Variants in KLHL22 observed in about 807,000 individuals in gnomAD.
KLHL22 encodes kelch like family member 22.
A neutral mutation model predicts 60.7 loss-of-function variants in KLHL22; 18 were observed. The ratio of observed to expected loss-of-function variants is 0.30; its 90% confidence interval spans 0.20 to 0.44. KLHL22 has a LOEUF of 0.44. Ranked by LOEUF, KLHL22 falls within the 20% of genes least tolerant of loss-of-function variation. The probability of loss-of-function intolerance (pLI) is 1.00; values close to 1 mark genes in which losing one functional copy is unlikely to be tolerated. For missense variants in KLHL22, 596 were observed against 852.3 expected (o/e 0.70, Z 3.74); for synonymous variants, 355 against 354.5 (o/e 1.00, Z -0.01).
intron 4 of KLHL22, among the ~76,000 whole-genome samples, chr22:20,461,634 T>C (rs1249597287): frequency 6.6e-6 from 1 of 151,772 alleles, no homozygotes; most frequent in Non-Finnish European, 1.5e-5. Context: ...TGACTATTAA[T>C]GTTTTAATGT....
At chr22:20,478,148 T>C (rs1256432459) in intron 2 of KLHL22, among the ~76,000 whole-genome samples, 1 of 151,972 alleles carries the variant, frequency 6.6e-6, no homozygotes, top group Non-Finnish European at 1.5e-5. Context: ...AAAAATAAAA[T>C]ATATAGTCAC....
chr22:20,465,445 G>A lies in KLHL22; in HGVS notation c.525C>T (p.Ile175=), dbSNP rs970091239. ...GAGAGAAGGCCACAAAGTTTTTGAG[G>A]ATATAGGTGTCCAGTTGCTCAGTCA... ...SRLTEQLDTY[I]LKNFVAFSRT... Residue 175 remains isoleucine, a synonymous_variant, in exon 4 of 7, where the codon ATC becomes ATT. Coordinates refer to ENST00000328879, the MANE Select transcript of KLHL22 (RefSeq NM_032775.4). The surrounding 1 kb of genome is among the most constrained non-coding windows in gnomAD (Gnocchi z 4.9). 1.2e-6 allele frequency: 2 copies of A among 1,613,908 alleles called. No individual in the cohort carries two copies. Among genetic ancestry groups the A allele is most frequent in the African/African-American group, 2.7e-5 (2 of 74,916 alleles).
chr22:20,484,002 A>G (rs2053547307), intron 2 of KLHL22: 1 of 716,706 alleles, frequency 1.4e-6, no homozygotes, highest in Non-Finnish European at 2.6e-6. Context: ...GCCTGCATAG[A>G]CGCTGGCCAC....
chr22:20,479,897 C>T (rs1026246450), intron 2 of KLHL22, among the ~76,000 whole-genome samples: 2 of 152,140 alleles, frequency 1.3e-5, no homozygotes, highest in African/African-American at 4.8e-5. Flanking sequence ...GACATTTGCA[C>T]ACCCATGTTC....
At position 20,450,371 on chromosome 22, in the gene KLHL22, G is replaced by C; in HGVS notation, c.1306-3695C>G. The C allele has an allele frequency of 2.1e-6, 3 of 1,427,196 alleles. No individual in the cohort carries two copies. In the South Asian group the frequency reaches 3.4e-5, roughly 16 times the overall value. The allele number at this position is 1,427,196 out of a possible 1,614,324, so 88.4% of individuals were successfully genotyped here. On this transcript the variant is annotated intron_variant, in intron 5 of 6. Transcript: ENST00000328879. ...CCAAGGTTTGACTGCCTCTACCATG[G>C]AAATTTTATTGGACTTTGTGTACAC...
intron 5 of KLHL22, chr22:20,451,576 C>T: frequency 1.3e-6 from 2 of 1,596,434 alleles, no homozygotes; most frequent in Non-Finnish European, 1.7e-6. Flanking sequence ...TACAGCCCAC[C>T]TTTCTTCCGT....
Position 20,471,428 on chromosome 22 carries a change from T to C in KLHL22, c.315A>G (p.Leu105=), listed in dbSNP as rs375641874. Residue 105 remains leucine (L), a synonymous_variant, in exon 3 of 7, where the codon CTA becomes CTG. Transcript: ENST00000328879. ...GVSYNAMCQI[L]HFIYTSELEL... The stretch of plus-strand genomic sequence containing the variant: ...CCAGCTCGGAGGTGTATATGAAATG[T>C]AGGATTTGGCACATAGCATTGTAGG... 1.1e-5 allele frequency: 18 copies of C among 1,614,066 alleles called. No individual in the cohort carries two copies. Among genetic ancestry groups the C allele is most frequent in the Non-Finnish European group, 1.5e-5 (18 of 1,180,030 alleles).
intron 5 of KLHL22, chr22:20,450,196 C>T (rs776501304): frequency 2.1e-5 from 17 of 806,020 alleles, no homozygotes; most frequent in East Asian, 1.7e-4. Flanking sequence ...CAATGAACTC[C>T]GTTGGGAAGA....
intron 5 of KLHL22, among the ~76,000 whole-genome samples, chr22:20,452,671 A>G (rs62219036): frequency 0.2 from 29,995 of 152,152 alleles, 3,847 homozygotes; most frequent in Non-Finnish European, 0.29. Flanking sequence ...CTGTGATTTT[A>G]CAGTCATCTT....
intron 1 of KLHL22, 49 bp from the exon 2 acceptor site, chr22:20,489,293 C>T (rs1285678744): frequency 2.2e-6 from 3 of 1,383,806 alleles, no homozygotes; most frequent in Admixed American, 3.7e-5. Context: ...AGGCATCAGC[C>T]CCACCACACA....
chr22:20,491,856 CCT>C (rs1008248058), intron 1 of KLHL22: 47 of 152,392 alleles, frequency 3.1e-4, no homozygotes, highest in African/African-American at 9.9e-4. Context: ...TGTGCCTGCC[CCT>C]GAGTCTGCCT....
At chr22:20,460,231 A>G (rs899363556) in intron 4 of KLHL22, among the ~76,000 whole-genome samples, 3 of 152,158 alleles carry the variant, frequency 2.0e-5, no homozygotes. Flanking sequence ...AGGACCCTCC[A>G]TGTGCTCCTG....
intron 3 of KLHL22, 86 bp downstream of exon 3, chr22:20,471,264 A>C (rs983069856): frequency 1.6e-5 from 21 of 1,323,156 alleles, no homozygotes; most frequent in African/African-American, 1.3e-4. Context: ...TCTTCAAGCC[A>C]ATGCTAGTGC....
chr22:20,443,271 G>A (rs758290482), intron 6 of KLHL22, among the ~76,000 whole-genome samples: 1 of 152,044 alleles, frequency 6.6e-6, no homozygotes, highest in Admixed American at 6.5e-5. Flanking sequence ...GGCCCCCAAA[G>A]ATGTCTAGTT....
chr22:20,478,695 T>C (rs1199898806), intron 2 of KLHL22, among the ~76,000 whole-genome samples: 2 of 148,838 alleles, frequency 1.3e-5, no homozygotes, highest in Non-Finnish European at 3.0e-5. Flanking sequence ...TTTGTATTTT[T>C]AGTAGAGACG....
chr22:20,450,097 T>A, intron 5 of KLHL22: 1 of 765,538 alleles, frequency 1.3e-6, no homozygotes, highest in Non-Finnish European at 2.4e-6. Flanking sequence ...AAGGACCTAT[T>A]TTTGTTCTTT....
intron 4 of KLHL22, among the ~76,000 whole-genome samples, chr22:20,462,276 C>A (rs867516398): frequency 0.011 from 1,251 of 114,436 alleles, no homozygotes; most frequent in East Asian, 0.018. Flanking sequence ...GACTCTGTCT[C>A]AAAAAAAAAA....
chr22:20,488,464 G>A (rs936463777), intron 2 of KLHL22: 1 of 165,718 alleles, frequency 6.0e-6, no homozygotes, highest in African/African-American at 2.4e-5. Flanking sequence ...CTAGGGATAA[G>A]AGACAGATTC....
chr22:20,443,905 AGGTGT>A (rs2052810334), intron 6 of KLHL22, among the ~76,000 whole-genome samples: 1 of 151,704 alleles, frequency 6.6e-6, no homozygotes, highest in Admixed American at 6.6e-5. Context: ...AAAATTAGCT[AGGTGT>A]GGTGGCGAAC....
Sources: allele counts gnomAD v4.1 joint callset (sites outside exome capture counted in the v4.1 genomes callset), GRCh38; gene constraint gnomAD v4.1.1; non-coding constraint Gnocchi (gnomAD v3.1); transcripts MANE v1.5; gene names NCBI Gene and HGNC (gene_info 2026-07-23, HGNC 2026-07-21).